The following DGKH variants were observed in gnomAD, a reference collection of about 807,000 sequenced individuals.
DGKH encodes diacylglycerol kinase eta.
Under a neutral mutation model 159.3 loss-of-function variants are expected in DGKH, and 90 were observed. The observed-to-expected ratio is 0.57, with a 90% confidence interval of 0.48 to 0.67. The LOEUF is 0.67. Among genes scored for constraint, DGKH ranks in the 30% least tolerant of loss-of-function variants. The pLI is 0.00. For missense variants in DGKH, 1,181 were observed against 1,506.1 expected (o/e 0.78, Z 3.57); for synonymous variants, 536 against 553.8 (o/e 0.97, Z 0.45).
At chr13:42,202,362 T>C (rs1027172198) in intron 20 of DGKH, among the ~76,000 whole-genome samples, 1 of 152,148 alleles carries the variant, frequency 6.6e-6, no homozygotes, top group Non-Finnish European at 1.5e-5. Flanking sequence ...CTTGGGAGGC[T>C]CTTTCCAGAG....
intron 29 of DGKH, among the ~76,000 whole-genome samples, chr13:42,248,532 T>A (rs1161311402): frequency 6.8e-6 from 1 of 147,228 alleles, no homozygotes; most frequent in African/African-American, 2.5e-5. Flanking sequence ...TGCAATTATT[T>A]AATAATTATT....
chr13:42,053,025 T>C (rs1421356568), intron 1 of DGKH, among the ~76,000 whole-genome samples: 1 of 152,140 alleles, frequency 6.6e-6, no homozygotes, highest in Non-Finnish European at 1.5e-5. Context: ...TAAAAAGATA[T>C]TCAGAATTTT....
chr13:42,155,284 C>T lies in DGKH; in HGVS notation c.385-7C>T. Reference sequence around the variant, plus strand: ...TAACAATCATTAGATTGAATTATCCCTTTCAGATCATCACTCCATTCAGAA... The same window carrying T: ...TAACAATCATTAGATTGAATTATCCTTTTCAGATCATCACTCCATTCAGAA... On this transcript the variant is annotated splice_polypyrimidine_tract_variant and splice_region_variant and intron_variant, in intron 3 of 29. Transcript: ENST00000337343. 1 of 1,583,660 alleles carries T rather than the reference C, an allele frequency of 6.3e-7. No homozygotes were observed. Among genetic ancestry groups the T allele is most frequent in the Non-Finnish European group, 8.5e-7 (1 of 1,170,218 alleles).
Position 42,242,143 on chromosome 13 carries a change from A to G in DGKH, c.*12955A>G, listed in dbSNP as rs965487679. 3.9e-5 allele frequency: 6 copies of G among 152,260 alleles called. No homozygotes were observed. The highest frequency in any genetic ancestry group is 1.9e-4 in the East Asian group (1 of 5,206). The allele number at this position is 152,260 out of a possible 1,614,324, so 9.4% of individuals were successfully genotyped here. On this transcript the variant is annotated 3_prime_UTR_variant, in exon 30 of 30. Transcript: ENST00000337343. ...AAAAGATTGGACACTTTACCCTGAC[A>G]TTCAGCACATTCATTTTATCTTTCG...
chr13:42,056,658 C>G (rs1185276929), intron 1 of DGKH, among the ~76,000 whole-genome samples: 1 of 152,166 alleles, frequency 6.6e-6, no homozygotes, highest in African/African-American at 2.4e-5. Context: ...ACCCATATCC[C>G]TTTCACAGTG....
rs779605287 is a variant in DGKH at position 42,229,132 on chromosome 13, C to T, written c.3607C>T (p.Arg1203Ter). Residue 1203 changes from arginine to a stop codon, truncating the protein, a stop_gained, in exon 30 of 30, where the codon CGA becomes TGA. Coordinates refer to ENST00000337343, the MANE Select transcript of DGKH (RefSeq NM_178009.5). LOFTEE classifies it high-confidence loss of function. ...GATACCGAAAGTGGGTCATGTGAAG[C>T]GAATTCTCCAGGGAATTAAAGAGCT... ...LGIPKVGHVK[R>*]ILQGIKELGR... 21 of 1,611,226 alleles carry T rather than the reference C, an allele frequency of 1.3e-5. No individual in the cohort carries two copies. Among genetic ancestry groups the T allele is most frequent in the African/African-American group, 6.7e-5 (5 of 74,610 alleles).
chr13:42,157,556 G>A (rs1956075530), intron 5 of DGKH, among the ~76,000 whole-genome samples: 1 of 152,136 alleles, frequency 6.6e-6, no homozygotes, highest in African/African-American at 2.4e-5. Flanking sequence ...GGGAGGCCAA[G>A]GCAGGCGGAT....
rs145919379 is a variant in DGKH, at chr13:42,052,880, CT to C, written c.192+3916del. ...GGTCATCTCGGCTAAGGTTGTGAAG[CT>C]GCATGTGTCAAAAATACTCCTGATG... On this transcript the variant is annotated intron_variant, in intron 1 of 29. Coordinates refer to ENST00000337343, the MANE Select transcript of DGKH (RefSeq NM_178009.5). 3.8e-3 allele frequency among the ~76,000 whole-genome samples: 579 copies of C among 152,242 alleles called. 4 individuals carry two copies. Among genetic ancestry groups the C allele is most frequent in the African/African-American group, 0.013 (558 of 41,538 alleles).
chr13:42,065,781 T>A (rs1882520319), intron 1 of DGKH, among the ~76,000 whole-genome samples: 1 of 152,196 alleles, frequency 6.6e-6, no homozygotes, highest in South Asian at 2.1e-4. Context: ...TAGTAAAATG[T>A]GGATTATTGT....
At chr13:42,112,957 G>T (rs983860736) in intron 1 of DGKH, among the ~76,000 whole-genome samples, 1 of 152,164 alleles carries the variant, frequency 6.6e-6, no homozygotes. Context: ...TTATTCCCTC[G>T]TTGGAGGTCA....
At chr13:42,149,648 T>G (rs1955828486) in intron 3 of DGKH, among the ~76,000 whole-genome samples, 1 of 152,246 alleles carries the variant, frequency 6.6e-6, no homozygotes, top group African/African-American at 2.4e-5. Context: ...ATAGCTTATC[T>G]AACCCTTCAC....
chr13:42,246,540 T>C (rs767253842), downstream of DGKH, among the ~76,000 whole-genome samples: 13 of 152,208 alleles, frequency 8.5e-5, no homozygotes, highest in Non-Finnish European at 1.6e-4. Flanking sequence ...GTGAGTTTAT[T>C]ATTAGCCCCA....
intron 13 of DGKH, among the ~76,000 whole-genome samples, chr13:42,186,051 A>G (rs61959252): frequency 1.3e-3 from 131 of 102,222 alleles, no homozygotes; most frequent in Non-Finnish European, 2.0e-3. Flanking sequence ...GTGTGTGTGT[A>G]TGTCCTGTGT....
At chr13:42,043,270 CTG>C (rs1880620290) in intron 1 of DGKH, among the ~76,000 whole-genome samples, 1 of 152,192 alleles carries the variant, frequency 6.6e-6, no homozygotes, top group Non-Finnish European at 1.5e-5. Flanking sequence ...TAAGACCAAT[CTG>C]TGGATCCTCA....
At chr13:42,151,594 C>CAT (rs1237753622) in intron 3 of DGKH, among the ~76,000 whole-genome samples, 1 of 117,054 alleles carries the variant, frequency 8.5e-6, no homozygotes, top group Non-Finnish European at 1.9e-5. Context: ...CACACACACA[C>CAT]ACACACACAC....
At chr13:42,057,353 T>C (rs9594670) in intron 1 of DGKH, among the ~76,000 whole-genome samples, 24,706 of 152,182 alleles carry the variant, frequency 0.16, 2,117 homozygotes, top group Non-Finnish European at 0.2. Flanking sequence ...CTTTTCTCCA[T>C]CTCACTATTT....
intron 1 of DGKH, among the ~76,000 whole-genome samples, chr13:42,089,431 A>G (rs572275904): frequency 6.6e-6 from 1 of 152,340 alleles, no homozygotes; most frequent in South Asian, 2.1e-4. Context: ...TTAATACAAT[A>G]CAAATTTATT....
intron 1 of DGKH, among the ~76,000 whole-genome samples, chr13:42,051,646 CTTTTTTTTTTT>C (rs56413015): frequency 1.4e-4 from 7 of 50,132 alleles, no homozygotes; most frequent in Non-Finnish European, 1.7e-4. Context: ...TCAAAGCCAT[CTTTTTTTTTTT>C]TTTTTTTTTT....
At position 42,232,410 on chromosome 13, in the gene DGKH, A is replaced by G. The variant is rs1301315357; in HGVS notation, c.*3222A>G. The G allele has an allele frequency of 6.6e-6, 1 of 152,196 alleles. No individual in the cohort carries two copies. The highest frequency in any genetic ancestry group is 1.9e-4 in the East Asian group (1 of 5,198). 9.4% of individuals were successfully genotyped at this position (152,196 alleles called of 1,614,324 possible). A position where few individuals can be genotyped will look rare whatever the true frequency, so the allele number is the denominator to read the frequency against. On this transcript the variant is annotated 3_prime_UTR_variant, in exon 30 of 30. Transcript: ENST00000337343. ...AGGAAAGGGACAGAATCAGACCTAA[A>G]TAAAATTCCTGAGTATGCAATATTT... is the stretch of plus-strand genomic sequence containing the variant.
Sources: gnomAD v4.1 joint callset for allele counts (sites outside exome capture counted in the v4.1 genomes callset) on GRCh38, gnomAD v4.1.1 for gene constraint, MANE v1.5 for transcripts, NCBI Gene and HGNC (gene_info 2026-07-23, HGNC 2026-07-21) for gene names.